Variants in SOX6 observed in about 807,000 individuals in gnomAD.
The protein encoded by SOX6 is transcription factor SOX-6.
SOX6 carries 11 observed loss-of-function variants against 97.8 expected under a neutral mutation model. The observed-to-expected ratio is 0.11, with a 90% CI of 0.07 to 0.19. SOX6 has a LOEUF of 0.19. Ranked by LOEUF, SOX6 falls within the 10% of genes least tolerant of loss-of-function variation. The probability of loss-of-function intolerance (pLI) is 1.00; values close to 1 mark genes in which losing one functional copy is unlikely to be tolerated. For synonymous variants in SOX6, 360 were observed against 371.4 expected (o/e 0.97, Z 0.35); for missense variants, 810 against 1,039.5 (o/e 0.78, Z 3.04).
intron 3 of SOX6, chr11:16,315,837 C>T (rs1281016595): frequency 6.6e-6 from 1 of 152,146 alleles, no homozygotes; most frequent in African/African-American, 2.4e-5. Flanking sequence ...TTCAACCATT[C>T]TTCTTCTTAT....
chr11:16,391,020 G>C (rs963592450), intron 1 of SOX6, among the ~76,000 whole-genome samples: 52 of 152,116 alleles, frequency 3.4e-4, no homozygotes, highest in Admixed American at 3.4e-3. Flanking sequence ...CCATAAAAAA[G>C]GATGAATTCA....
At chr11:16,443,346 T>A (rs1222682684) in intron 1 of SOX6, among the ~76,000 whole-genome samples, 4 of 152,142 alleles carry the variant, frequency 2.6e-5, no homozygotes, top group Non-Finnish European at 5.9e-5. Flanking sequence ...CTCAAACATG[T>A]CTATATGGAA....
chr11:16,138,576 T>G (rs7935396), intron 6 of SOX6, among the ~76,000 whole-genome samples: 12,278 of 151,888 alleles, frequency 0.081, 1,034 homozygotes, highest in East Asian at 0.37. Flanking sequence ...ATACTTTAAG[T>G]TTTAGGGTAC....
intron 3 of SOX6, among the ~76,000 whole-genome samples, chr11:16,630,479 T>A (rs879832710): frequency 1.5e-4 from 23 of 151,354 alleles, no homozygotes; most frequent in African/African-American, 2.2e-4. Context: ...TGATTTTTTT[T>A]AATTTATTGA....
At chr11:16,627,804 C>T (rs1848644884) in intron 3 of SOX6, among the ~76,000 whole-genome samples, 3 of 152,100 alleles carry the variant, frequency 2.0e-5, no homozygotes, top group South Asian at 2.1e-4. Flanking sequence ...AGTTTAATTA[C>T]GTCCCAATTG....
intron 4 of SOX6, among the ~76,000 whole-genome samples, chr11:16,232,695 C>T (rs1852895960): frequency 6.6e-6 from 1 of 151,964 alleles, no homozygotes; most frequent in South Asian, 2.1e-4. Flanking sequence ...AAAGCAGGAC[C>T]CTCATCTTTC....
intron 4 of SOX6, among the ~76,000 whole-genome samples, chr11:16,583,568 T>C (rs118157802): frequency 0.12 from 16,739 of 140,412 alleles, 1,130 homozygotes; most frequent in Non-Finnish European, 0.14. Flanking sequence ...GGATGAATAA[T>C]ATTTCATTGT....
At chr11:16,684,940 C>T (rs899068634) in intron 3 of SOX6, among the ~76,000 whole-genome samples, 2 of 151,964 alleles carry the variant, frequency 1.3e-5, no homozygotes, top group Non-Finnish European at 2.9e-5. Context: ...CGGTACCAGA[C>T]GTGTCACATG....
intron 4 of SOX6, among the ~76,000 whole-genome samples, chr11:16,202,708 C>A (rs1851972708): frequency 6.6e-6 from 1 of 151,934 alleles, no homozygotes; most frequent in South Asian, 2.1e-4. Flanking sequence ...CAAGCTTATA[C>A]CTAGTCAGTT....
chr11:16,082,822 A>G (rs560483874), intron 9 of SOX6, among the ~76,000 whole-genome samples: 4 of 152,278 alleles, frequency 2.6e-5, no homozygotes, highest in Non-Finnish European at 4.4e-5. Context: ...TACCACATGC[A>G]TTCCAAATTC....
intron 4 of SOX6, among the ~76,000 whole-genome samples, chr11:16,569,614 C>G (rs113888239): frequency 6.6e-6 from 1 of 151,964 alleles, no homozygotes; most frequent in African/African-American, 2.4e-5. Flanking sequence ...TAGCAATGTA[C>G]CACCTTGCAT....
intron 3 of SOX6, among the ~76,000 whole-genome samples, chr11:16,242,336 T>C (rs1465206145): frequency 2.0e-5 from 3 of 152,018 alleles, no homozygotes; most frequent in Non-Finnish European, 4.4e-5. Context: ...GGTTATACTA[T>C]ATAGCCTAGG....
chr11:16,276,047 C>T (rs1193223382), intron 3 of SOX6, among the ~76,000 whole-genome samples: 1 of 151,936 alleles, frequency 6.6e-6, no homozygotes, highest in Non-Finnish European at 1.5e-5. Flanking sequence ...TTAAAATATA[C>T]AAGTATGTAG....
At chr11:16,617,687 C>G (rs912279802) in intron 3 of SOX6, among the ~76,000 whole-genome samples, 10 of 151,726 alleles carry the variant, frequency 6.6e-5, no homozygotes, top group African/African-American at 2.2e-4. Context: ...AATTTCTACC[C>G]GTTTAGAAAT....
At chr11:16,160,215 T>C (rs1850712439) in intron 6 of SOX6, among the ~76,000 whole-genome samples, 1 of 152,152 alleles carries the variant, frequency 6.6e-6, no homozygotes, top group Admixed American at 6.6e-5. Flanking sequence ...AACTATAGTA[T>C]TGGCCTAAGA....
chr11:16,182,397 A>G (rs1486032125), intron 6 of SOX6, among the ~76,000 whole-genome samples: 2 of 151,860 alleles, frequency 1.3e-5, no homozygotes, highest in Non-Finnish European at 2.9e-5. Flanking sequence ...GAGTTCCTAC[A>G]GAGGGATCTA....
chr11:16,537,824 T>C (rs949781438), intron 4 of SOX6, among the ~76,000 whole-genome samples: 2 of 152,188 alleles, frequency 1.3e-5, no homozygotes, highest in African/African-American at 4.8e-5. Flanking sequence ...TATGGGACTG[T>C]GTGAAAGCAC....
intron 9 of SOX6, among the ~76,000 whole-genome samples, chr11:16,072,429 C>A (rs1848248221): frequency 6.6e-6 from 1 of 151,992 alleles, no homozygotes; most frequent in Non-Finnish European, 1.5e-5. Context: ...ATGAAACCTC[C>A]AAGAAATATG....
intron 3 of SOX6, among the ~76,000 whole-genome samples, chr11:16,689,837 T>C (rs987726123): frequency 3.3e-5 from 5 of 152,200 alleles, no homozygotes; most frequent in African/African-American, 1.2e-4. Flanking sequence ...TGTTTATTTC[T>C]ATATTTAATG....
Sources: allele counts gnomAD v4.1 joint callset (sites outside exome capture counted in the v4.1 genomes callset), GRCh38; gene constraint gnomAD v4.1.1; transcripts MANE v1.5; gene names NCBI Gene and HGNC (gene_info 2026-07-23, HGNC 2026-07-21).